NUP205: variants seen among roughly 807,000 people sequenced by gnomAD.
NUP205 encodes the protein nuclear pore complex protein Nup205.
A neutral mutation model predicts 253.8 loss-of-function variants in NUP205; 76 were observed. That is an observed-to-expected ratio of 0.30 (90% CI 0.25 to 0.36). The LOEUF (loss-of-function observed/expected upper bound fraction) is 0.36. Among genes scored for constraint, NUP205 ranks in the 10% least tolerant of loss-of-function variants. The probability of loss-of-function intolerance (pLI) is 1.00; values close to 1 mark genes in which losing one functional copy is unlikely to be tolerated. For missense variants in NUP205, 2,162 were observed against 2,425.5 expected (o/e 0.89, Z 2.28); for synonymous variants, 832 against 850.1 (o/e 0.98, Z 0.37).
At position 135,573,834 on chromosome 7, in the gene NUP205, A is replaced by T; in HGVS notation, c.343+9A>T. ...TGAGCTTCTTCTTGCTGGTAGGTTG[A>T]CATTTAACTGAAACAGTGGTAAAAT... On this transcript the variant is annotated intron_variant, in intron 3 of 42. Transcript: ENST00000285968. The T allele has an allele frequency of 6.2e-7, 1 of 1,601,996 alleles. No individual in the cohort carries two copies. The highest frequency in any genetic ancestry group is 1.1e-5 in the South Asian group (1 of 88,788).
chr7:135,648,439 A>G lies in NUP205; in HGVS notation c.5922A>G (p.Ser1974=). The change falls in exon 43 of 43, where the codon TCA becomes TCG. Residue 1974 remains serine (S), a synonymous_variant. Transcript: ENST00000285968. Reference sequence around the variant, plus strand: ...ATGCAATCAACGCTTTTGGAGAATCACTACAAAAGAAACTTCTGGACATTG... The same window carrying G: ...ATGCAATCAACGCTTTTGGAGAATCGCTACAAAAGAAACTTCTGGACATTG... ...QADAINAFGE[S]LQKKLLDIEG... The G allele has an allele frequency of 6.2e-7, 1 of 1,600,168 alleles. No individual in the cohort carries two copies. The highest frequency in any genetic ancestry group is 8.5e-7 in the Non-Finnish European group (1 of 1,175,738).
intron 35 of NUP205, among the ~76,000 whole-genome samples, chr7:135,631,756 C>CTTTCT (rs1554467216): frequency 3.5e-5 from 5 of 141,282 alleles, no homozygotes; most frequent in African/African-American, 5.3e-5. Context: ...TTCTTTCTTT[C>CTTTCT]TTTTTTTTTT....
chr7:135,576,342 A>G lies in NUP205; in HGVS notation c.416A>G (p.Lys139Arg). 1 of 1,613,864 alleles carries G rather than the reference A, an allele frequency of 6.2e-7. No homozygotes were observed. The highest frequency in any genetic ancestry group is 8.5e-7 in the Non-Finnish European group (1 of 1,179,822). Residue 139 changes from lysine to arginine, a missense_variant, in exon 4 of 43, where the codon AAG (lysine) becomes AGG (arginine). Around this residue, in one of 5 missense-constraint regions of NUP205, gnomAD observed 11 missense variants for 33.5 expected, o/e 0.33. Coordinates refer to ENST00000285968, the MANE Select transcript of NUP205 (RefSeq NM_015135.3). ...GCTGTTCTTCTGTACTGGGATGGAA[A>G]GCGATGCATTGCGAATTCCTTGAAA... ...LVAVLLYWDGKRCIANSLKAL... is the reference protein window; with the variant it reads ...LVAVLLYWDGRRCIANSLKAL...
intron 22 of NUP205, among the ~76,000 whole-genome samples, chr7:135,610,289 C>T (rs1794195238): frequency 6.6e-6 from 1 of 152,194 alleles, no homozygotes; most frequent in Admixed American, 6.5e-5. Context: ...GGCACGATCT[C>T]AGCTCACCGC....
intron 30 of NUP205, among the ~76,000 whole-genome samples, chr7:135,621,595 C>A (rs1275860207): frequency 1.3e-5 from 2 of 152,132 alleles, no homozygotes; most frequent in Admixed American, 6.5e-5. Context: ...AAGAGTCTCA[C>A]ATAAGAGTAT....
At chr7:135,574,597 T>G (rs1806097720) in intron 3 of NUP205, among the ~76,000 whole-genome samples, 2 of 152,050 alleles carry the variant, frequency 1.3e-5, no homozygotes, top group Non-Finnish European at 2.9e-5. Flanking sequence ...GCATCATAAA[T>G]GAGAGGGAGA....
At chr7:135,602,737 T>A in intron 17 of NUP205, 68 bp from the exon 18 acceptor site, 2 of 1,257,138 alleles carry the variant, frequency 1.6e-6, no homozygotes, top group South Asian at 2.7e-5. Flanking sequence ...TTGTCTTGTT[T>A]TCCTAAGAAT....
chr7:135,584,496 C>CTTA (rs1200618725), intron 7 of NUP205, among the ~76,000 whole-genome samples: 3 of 152,190 alleles, frequency 2.0e-5, no homozygotes, highest in Non-Finnish European at 4.4e-5. Flanking sequence ...GGATTAAAGT[C>CTTA]TTAACATCAT....
At chr7:135,603,825 A>G (rs1794022558) in intron 18 of NUP205, among the ~76,000 whole-genome samples, 1 of 152,154 alleles carries the variant, frequency 6.6e-6, no homozygotes, top group African/African-American at 2.4e-5. Context: ...CTCTAAGTCT[A>G]AAATGACAAT....
chr7:135,593,216 A>G (rs758762247), intron 12 of NUP205, 24 bp downstream of exon 12: 2 of 1,600,972 alleles, frequency 1.2e-6, no homozygotes, highest in Non-Finnish European at 1.7e-6. Flanking sequence ...CCCCAGCATA[A>G]TTTTATTTTT....
chr7:135,638,397 A>C (rs1483044245), intron 37 of NUP205, among the ~76,000 whole-genome samples, 160 bp from the exon 38 acceptor site: 1 of 144,570 alleles, frequency 6.9e-6, no homozygotes, highest in Non-Finnish European at 1.5e-5. Flanking sequence ...CCTGGGCAAC[A>C]GAGGGAGACT....
chr7:135,608,409 C>G (rs1584670347), intron 22 of NUP205, among the ~76,000 whole-genome samples: 1 of 152,244 alleles, frequency 6.6e-6, no homozygotes, highest in Non-Finnish European at 1.5e-5. Context: ...AACATTTAAA[C>G]TATAATGAGG....
intron 7 of NUP205, among the ~76,000 whole-genome samples, 199 bp from the exon 8 acceptor site, chr7:135,584,633 G>A (rs1321237638): frequency 6.6e-6 from 1 of 152,184 alleles, no homozygotes; most frequent in Non-Finnish European, 1.5e-5. Context: ...TACACATTCA[G>A]AGTATATTGT....
intron 33 of NUP205, among the ~76,000 whole-genome samples, chr7:135,627,334 AG>A (rs1299141381): frequency 7.9e-5 from 12 of 152,246 alleles, no homozygotes; most frequent in Admixed American, 7.9e-4. Context: ...ATTTTTATAC[AG>A]ATTGAGCTTC....
chr7:135,622,135 T>C (rs1314946077), intron 30 of NUP205, among the ~76,000 whole-genome samples: 2 of 151,248 alleles, frequency 1.3e-5, no homozygotes, highest in African/African-American at 4.8e-5. Flanking sequence ...GATAAAAGAT[T>C]GATTAGCGGC....
rs1224493885 is a variant in NUP205 at position 135,626,277 on chromosome 7, C to T, written c.4709C>T (p.Ala1570Val). 6.2e-7 allele frequency: 1 copy of T among 1,614,012 alleles called. No homozygotes were observed. The highest frequency in any genetic ancestry group is 1.7e-5 in the Admixed American group (1 of 60,014). The change falls in exon 33 of 43, where the codon GCA becomes GTA. Residue 1570 changes from alanine (A) to valine (V), a missense_variant. Ala to Val is a moderately conservative substitution (Grantham distance 64). This residue lies in a region of NUP205 where 1,144 missense variants were observed against 1,280.9 expected (regional missense o/e 0.89). Transcript: ENST00000285968. ...AGAGTGGCAAAGATACAGCAGGGTG[C>T]ATTAGAGCTGCTAAGATCAGGGGTG... ...LTRVAKIQQG[A>V]LELLRSGVIV...
At position 135,625,184 on chromosome 7, in the gene NUP205, T is replaced by C; in HGVS notation, c.4500T>C (p.Leu1500=). The change falls in exon 32 of 43, where the codon CTT becomes CTC. Residue 1500 remains leucine, a synonymous_variant. Transcript: ENST00000285968. ...TTCAGATGCTGGCCCTGGCTCTACT[T>C]GATAGAATTGTCTCCGTGGATAAAC... is the stretch of plus-strand genomic sequence containing the variant. ...EIGRMLALAL[L]DRIVSVDKQQ... The C allele has an allele frequency of 1.2e-6, 2 of 1,613,310 alleles. No individual in the cohort carries two copies. Among genetic ancestry groups the C allele is most frequent in the Non-Finnish European group, 1.7e-6 (2 of 1,179,840 alleles).
rs1306454258 is a variant in NUP205 at position 135,598,047 on chromosome 7, G to A, written c.2114G>A (p.Arg705Gln). The A allele has an allele frequency of 2.5e-6, 4 of 1,613,906 alleles. No individual in the cohort carries two copies. Among genetic ancestry groups the A allele is most frequent in the Non-Finnish European group, 3.4e-6 (4 of 1,179,946 alleles). The change falls in exon 15 of 43, where the codon CGG becomes CAG. Residue 705 changes from arginine to glutamine, a missense_variant. By Grantham distance (43) the Arg-to-Gln change is conservative (BLOSUM62 1). This residue lies in a region of NUP205 where 892 missense variants were observed against 957.1 expected (regional missense o/e 0.93). Transcript: ENST00000285968. ...CGGTGTGAAGAATACCCATTGACTC[G>A]GGCCTTTTGCCAGCTTATTAGTACT... ...ESRCEEYPLT[R>Q]AFCQLISTLV...
In NUP205 at chr7:135,577,015, G is replaced by A. The variant is rs751825531; in HGVS notation, c.535G>A (p.Glu179Lys). The A allele has an allele frequency of 5.0e-6, 8 of 1,613,974 alleles. No individual in the cohort carries two copies. The highest frequency in any genetic ancestry group is 6.8e-6 in the Non-Finnish European group (8 of 1,179,976). The part of the protein sequence containing the change: ...MTTRFTDELM[E>K]QGLTYKVLTL... ...AACACGCTTTACAGATGAGCTGATGGAGCAAGGATTGACTTATAAAGTTCT... is the reference window on the plus strand; with the variant it reads ...AACACGCTTTACAGATGAGCTGATGAAGCAAGGATTGACTTATAAAGTTCT... The change falls in exon 5 of 43, where the codon GAG (glutamate) becomes AAG (lysine). Residue 179 changes from glutamate (E) to lysine (K), a missense_variant. By Grantham distance (56) the Glu-to-Lys change is moderately conservative (BLOSUM62 1). Transcript: ENST00000285968.
Sources: allele counts gnomAD v4.1 joint callset (sites outside exome capture counted in the v4.1 genomes callset), GRCh38; gene constraint gnomAD v4.1.1; regional missense constraint gnomAD v4.1.1; transcripts MANE v1.5; gene names NCBI Gene and HGNC (gene_info 2026-07-23, HGNC 2026-07-21).